CMTM1: variants seen among roughly 807,000 people sequenced by gnomAD.
CMTM1 encodes the protein CKLF like MARVEL transmembrane domain containing 1, also known as CKLF-like MARVEL transmembrane domain-containing protein 1.
A neutral mutation model predicts 17.8 loss-of-function variants in CMTM1; 16 were observed. The ratio of observed to expected loss-of-function variants is 0.90; its 90% CI spans 0.61 to 1.37. The LOEUF is 1.37. Ranked by LOEUF, CMTM1 falls within the 40% of genes most tolerant of loss-of-function variation. The probability of loss-of-function intolerance (pLI) is 0.00; values close to 1 mark genes in which losing one functional copy is unlikely to be tolerated. For missense variants in CMTM1, 354 were observed against 375.6 expected, an observed-to-expected ratio of 0.94 and a Z score of 0.47; for synonymous variants, 169 against 154.6, an observed-to-expected ratio of 1.09 and a Z score of -0.69.
chr16:66,571,299 A>G (rs1270098443), intron 2 of CMTM1: 4 of 409,622 alleles, frequency 9.8e-6, no homozygotes, highest in East Asian at 7.1e-5. Flanking sequence ...AGCATATACC[A>G]TGTGCCAGAT....
rs753328843 is a variant in CMTM1, at chr16:66,578,989, G to A, written c.849G>A (p.Gln283=). The change falls in exon 4 of 4, where the codon CAG becomes CAA. Residue 283 remains glutamine, a synonymous_variant. Transcript: ENST00000379500. The stretch of plus-strand genomic sequence containing the variant: ...CCGAAACCGGCCCCGACGCCCCGCA[G>A]AGGCCCGCCTGAAGCCAGCCCGGCG... ...AYPETGPDAP[Q]RPA 4.5e-5 allele frequency: 73 copies of A among 1,613,278 alleles called. 1 individual carries two copies. The highest frequency in any genetic ancestry group is 1.7e-6 in the Non-Finnish European group (2 of 1,179,940).
chr16:66,578,421 A>G (rs1476539025), intron 3 of CMTM1, among the ~76,000 whole-genome samples: 2 of 152,064 alleles, frequency 1.3e-5, no homozygotes, highest in Non-Finnish European at 2.9e-5. Context: ...CAGATTCCTT[A>G]GAGACCCTAG....
chr16:66,577,180 G>A lies in CMTM1; in HGVS notation c.668G>A (p.Arg223Lys). 9.3e-6 allele frequency: 15 copies of A among 1,613,820 alleles called. No homozygotes were observed. Among genetic ancestry groups the A allele is most frequent in the African/African-American group, 1.3e-5 (1 of 75,030 alleles). Residue 223 changes from arginine (R) to lysine (K), a missense_variant, in exon 3 of 4, where the codon AGG becomes AAG. By Grantham distance (26) the Arg-to-Lys change is conservative. Transcript: ENST00000379500. ...AILAMQEKKR[R>K]HLLYVGGSLC... ...TTGGCCATGCAAGAAAAGAAAAGAA[G>A]GCATTTACTCTATGTCGGGGGGGTA...
At chr16:66,572,834 C>T (rs770902690) in intron 2 of CMTM1, among the ~76,000 whole-genome samples, 9 of 152,066 alleles carry the variant, frequency 5.9e-5, no homozygotes, top group Non-Finnish European at 1.2e-4. Flanking sequence ...TTCCCTATTC[C>T]GATTATTGTT....
intron 2 of CMTM1, chr16:66,575,213 A>C (rs2014082225): frequency 1.0e-6 from 1 of 985,236 alleles, no homozygotes; most frequent in African/African-American, 1.7e-5. Context: ...AGAGTTTACT[A>C]TCTGTTAACA....
intron 2 of CMTM1, among the ~76,000 whole-genome samples, chr16:66,576,385 C>T (rs980701757): frequency 1.4e-4 from 21 of 149,804 alleles, no homozygotes; most frequent in East Asian, 7.8e-4. Context: ...GTGACAAGAG[C>T]GAAACTCTGT....
At chr16:66,575,251 T>C (rs751769912) in intron 2 of CMTM1, 2 of 977,854 alleles carry the variant, frequency 2.0e-6, no homozygotes, top group Non-Finnish European at 2.4e-6. Context: ...AACCTACATT[T>C]TGATGCACTC....
chr16:66,566,805 GCA>G lies in CMTM1; in HGVS notation c.298_299del (p.Thr100Ter), dbSNP rs1489824030. On this transcript the variant is annotated frameshift_variant, in exon 1 of 4. Coordinates refer to ENST00000379500, the MANE Select transcript of CMTM1 (RefSeq NM_052999.4). LOFTEE classifies it high-confidence loss of function. The surrounding 1 kb of genome is among the most constrained non-coding windows in gnomAD (Gnocchi z 4.9). ...KPTLPPPTPSAHTESKLLNEM... is the reference protein window; with the variant it reads ...KPTLPPPTPSXHTESKLLNEM... Reference sequence around the variant, plus strand: ...CACACTCCCACCCCCCACGCCCTCTGCACACACTGAATCCAAACTCTTAAATG... The same window carrying G: ...CACACTCCCACCCCCCACGCCCTCTGCACACTGAATCCAAACTCTTAAATG... 1 of 1,612,960 alleles carries G rather than the reference GCA, an allele frequency of 6.2e-7. No homozygotes were observed. Among genetic ancestry groups the G allele is most frequent in the Non-Finnish European group, 8.5e-7 (1 of 1,179,844 alleles).
chr16:66,575,541 T>C (rs1597175967), intron 2 of CMTM1, among the ~76,000 whole-genome samples: 1 of 152,174 alleles, frequency 6.6e-6, no homozygotes, highest in African/African-American at 2.4e-5. Flanking sequence ...ACTGGGAGAA[T>C]AGCTCATTTC....
chr16:66,578,442 G>A (rs1597185643), intron 3 of CMTM1, among the ~76,000 whole-genome samples: 1 of 152,102 alleles, frequency 6.6e-6, no homozygotes, highest in Non-Finnish European at 1.5e-5. Flanking sequence ...TCCAGTGCCT[G>A]GGTCCTCCTC....
At chr16:66,576,398 CAAA>C (rs35863508) in intron 2 of CMTM1, among the ~76,000 whole-genome samples, 1 of 133,490 alleles carries the variant, frequency 7.5e-6, no homozygotes, top group Non-Finnish European at 1.6e-5. Context: ...AACTCTGTCT[CAAA>C]AAAAAAAAAG....
chr16:66,573,977 G>A lies in CMTM1; in HGVS notation c.592-3127G>A, dbSNP rs543120395. ...GCTGGGATTACAAGCATGAGCCACC[G>A]TGCCTGGCCTGTTTAACTTTTTTCC... On this transcript the variant is annotated intron_variant, in intron 2 of 3. Transcript: ENST00000379500. 4.6e-5 allele frequency among the ~76,000 whole-genome samples: 7 copies of A among 150,792 alleles called. 1 individual carries two copies. The highest frequency in any genetic ancestry group is 3.9e-4 in the East Asian group (2 of 5,148).
intron 1 of CMTM1, among the ~76,000 whole-genome samples, chr16:66,568,309 T>G (rs1248130711): frequency 1.3e-5 from 2 of 152,152 alleles, no homozygotes. Flanking sequence ...AAAGTGAAAA[T>G]GAGATTATAT....
intron 2 of CMTM1, among the ~76,000 whole-genome samples, chr16:66,570,754 G>A (rs2013398816): frequency 6.6e-6 from 1 of 152,186 alleles, no homozygotes; most frequent in African/African-American, 2.4e-5. Context: ...CACCTTACTA[G>A]CTATGTAACC....
chr16:66,577,251 T>C (rs200303305), intron 3 of CMTM1, 49 bp downstream of exon 3: 4 of 1,514,652 alleles, frequency 2.6e-6, no homozygotes, highest in South Asian at 1.1e-5. Context: ...TTCCAAGACT[T>C]TGAAAAGGGA....
At chr16:66,575,180 G>A in intron 2 of CMTM1, 1 of 985,364 alleles carries the variant, frequency 1.0e-6, no homozygotes, top group Non-Finnish European at 1.2e-6. Flanking sequence ...AGCCCCAATA[G>A]GAAGAACATC....
At chr16:66,567,196 T>C (rs1227146330) in intron 1 of CMTM1, 1 of 581,878 alleles carries the variant, frequency 1.7e-6, no homozygotes, top group Non-Finnish European at 3.0e-6. Context: ...ACGGGGTACA[T>C]GTGTAGAACG....
rs201161463 is a variant in CMTM1 at position 66,566,692 on chromosome 16, G to C, written c.179G>C (p.Ser60Thr). The C allele has an allele frequency of 5.0e-5, 81 of 1,613,916 alleles. No homozygotes were observed. In the African/African-American group the frequency reaches 9.9e-4, roughly 20 times the overall value. The stretch of plus-strand genomic sequence containing the variant: ...AAGCACCCCGCAGTCTCAATTCGCA[G>C]TGCGCAGTCCGCAGCCGCCGCACGT... ...PRKHPAVSIR[S>T]AQSAAAARPQ... The change falls in exon 1 of 4, where the codon AGT becomes ACT. Residue 60 changes from serine (S) to threonine (T), a missense_variant. Transcript: ENST00000379500. This position sits in a 1 kb window ranked among gnomAD's most constrained non-coding sequence, Gnocchi z 4.9.
At chr16:66,574,779 G>GT (rs2014018709) in intron 2 of CMTM1, among the ~76,000 whole-genome samples, 1 of 152,208 alleles carries the variant, frequency 6.6e-6, no homozygotes, top group South Asian at 2.1e-4. Flanking sequence ...ACCACAGCTG[G>GT]TTAGTGGTCA....
Sources: allele counts gnomAD v4.1 joint callset (sites outside exome capture counted in the v4.1 genomes callset), GRCh38; gene constraint gnomAD v4.1.1; non-coding constraint Gnocchi (gnomAD v3.1); transcripts MANE v1.5; gene names NCBI Gene and HGNC (gene_info 2026-07-23, HGNC 2026-07-21).